Variants in CHST11 observed in about 807,000 individuals in gnomAD.
The protein encoded by CHST11 is carbohydrate sulfotransferase 11.
In CHST11, 9 loss-of-function variants were observed where a neutral mutation model predicts 30.4. The observed-to-expected ratio is 0.30, with a 90% CI of 0.18 to 0.52. The LOEUF (loss-of-function observed/expected upper bound fraction) is 0.52. CHST11 is among the 20% of genes least tolerant of loss of function. The probability of loss-of-function intolerance (pLI) is 0.97; values close to 1 mark genes in which losing one functional copy is unlikely to be tolerated. For synonymous variants in CHST11, 152 were observed against 187.8 expected (o/e 0.81, Z 1.56); for missense variants, 348 against 460.6 (o/e 0.76, Z 2.24).
chr12:104,666,940 G>T (rs2039647872), intron 2 of CHST11, among the ~76,000 whole-genome samples: 1 of 152,186 alleles, frequency 6.6e-6, no homozygotes, highest in Non-Finnish European at 1.5e-5. Flanking sequence ...GACTCTGTCT[G>T]CATCACACTC....
intron 2 of CHST11, among the ~76,000 whole-genome samples, chr12:104,756,456 A>G (rs1198696121): frequency 1.3e-5 from 2 of 151,882 alleles, no homozygotes; most frequent in African/African-American, 4.8e-5. Flanking sequence ...CTCCTAGACT[A>G]TGAGTGATTT....
chr12:104,680,779 C>T (rs1175237876), intron 2 of CHST11, among the ~76,000 whole-genome samples: 1 of 152,230 alleles, frequency 6.6e-6, no homozygotes, highest in Non-Finnish European at 1.5e-5. Context: ...CGGGTTCTCA[C>T]GTGCAAGCAA....
intron 2 of CHST11, among the ~76,000 whole-genome samples, chr12:104,629,837 A>T (rs1177163109): frequency 6.6e-6 from 1 of 152,180 alleles, no homozygotes; most frequent in African/African-American, 2.4e-5. Context: ...ATTTTTTTTA[A>T]AAATGCATTT....
At chr12:104,733,776 T>G (rs2040275367) in intron 2 of CHST11, among the ~76,000 whole-genome samples, 1 of 152,284 alleles carries the variant, frequency 6.6e-6, no homozygotes, top group South Asian at 2.1e-4. Flanking sequence ...CCAGGGAGAT[T>G]GGTTGGCTGC....
intron 2 of CHST11, among the ~76,000 whole-genome samples, chr12:104,685,673 A>C (rs779182366): frequency 2.0e-5 from 3 of 152,194 alleles, no homozygotes; most frequent in Non-Finnish European, 4.4e-5. Context: ...AATAGCACTT[A>C]ATAAATGCTA....
intron 1 of CHST11, among the ~76,000 whole-genome samples, chr12:104,488,535 G>A (rs1723952572): frequency 6.6e-6 from 1 of 151,586 alleles, no homozygotes; most frequent in Non-Finnish European, 1.5e-5. Context: ...GTGTGTATAT[G>A]TGTGTATGTG....
chr12:104,483,417 G>A (rs921410693), intron 1 of CHST11, among the ~76,000 whole-genome samples: 18 of 152,260 alleles, frequency 1.2e-4, no homozygotes, highest in African/African-American at 3.6e-4. Context: ...TGTTGGCCAA[G>A]CTGGTCTTGA....
intron 1 of CHST11, among the ~76,000 whole-genome samples, chr12:104,583,904 G>A (rs1164705076): frequency 1.3e-5 from 2 of 152,116 alleles, no homozygotes; most frequent in Admixed American, 1.3e-4. Context: ...GTAGAGATGG[G>A]GTTTCACCAT....
intron 1 of CHST11, chr12:104,553,580 A>AGAGAGAGAGAGAGG: frequency 6.8e-6 from 1 of 147,596 alleles, no homozygotes; most frequent in African/African-American, 2.5e-5. Context: ...AGAGAGAGAG[A>AGAGAGAGAGAGAGG]GAGAGAGAGA....
chr12:104,491,305 G>A (rs769539408), intron 1 of CHST11, among the ~76,000 whole-genome samples: 1 of 152,030 alleles, frequency 6.6e-6, no homozygotes, highest in African/African-American at 2.4e-5. Context: ...ACCGGGGGTG[G>A]GATGGACAGG....
At chr12:104,514,363 T>C in intron 1 of CHST11, 2 of 930,744 alleles carry the variant, frequency 2.1e-6, no homozygotes, top group South Asian at 1.3e-5. Context: ...TTCTATGCCA[T>C]TCTGGGCTTT....
At chr12:104,749,602 A>C (rs935361233) in intron 2 of CHST11, among the ~76,000 whole-genome samples, 1 of 152,220 alleles carries the variant, frequency 6.6e-6, no homozygotes, top group Non-Finnish European at 1.5e-5. Flanking sequence ...ATTCTCTTTT[A>C]CTATGAGGGA....
chr12:104,628,443 T>C (rs770435392), intron 2 of CHST11, among the ~76,000 whole-genome samples: 2 of 152,232 alleles, frequency 1.3e-5, no homozygotes, highest in Admixed American at 6.5e-5. Context: ...TCAAGACTTG[T>C]TGAGCTTGGA....
intron 2 of CHST11, among the ~76,000 whole-genome samples, chr12:104,716,560 CTG>C (rs1207466836): frequency 1.3e-5 from 2 of 152,242 alleles, no homozygotes; most frequent in African/African-American, 4.8e-5. Context: ...CCACTTTTGG[CTG>C]TGAGTGCCAT....
chr12:104,521,852 T>C (rs192216650), intron 1 of CHST11, among the ~76,000 whole-genome samples: 83 of 152,306 alleles, frequency 5.4e-4, no homozygotes, highest in African/African-American at 2.0e-3. Context: ...CCAGTGGGCA[T>C]TTTCTGCCTT....
intron 1 of CHST11, among the ~76,000 whole-genome samples, chr12:104,536,854 G>T (rs913570785): frequency 1.3e-5 from 2 of 152,136 alleles, no homozygotes; most frequent in African/African-American, 2.4e-5. Context: ...ATTCCTCCAG[G>T]CCGGCTTCTC....
Position 104,516,252 on chromosome 12 carries a change from T to C in CHST11, c.118+58723T>C, listed in dbSNP as rs112860777. Among the ~76,000 whole-genome samples, 891 of 152,222 alleles carry C rather than the reference T, an allele frequency of 5.9e-3. 11 individuals are homozygous for C. The highest frequency in any genetic ancestry group is 0.02 in the African/African-American group (839 of 41,528). On this transcript the variant is annotated intron_variant, in intron 1 of 2. Transcript: ENST00000303694. ...TGTCATATGTCCCCTAGGGGCAAAA[T>C]TGGGGCAAATGTTAGTTGAGAGAGC... is the stretch of plus-strand genomic sequence containing the variant.
rs1408686961 is a variant in CHST11 at position 104,757,212 on chromosome 12, C to T, written c.468C>T (p.His156=). ...DPMEIPANEA[H]VSANLKTLNQ... ...TGGAGATCCCGGCCAACGAGGCACA[C>T]GTCTCCGCCAACCTGAAGACCCTGA... The change falls in exon 3 of 3, where the codon CAC becomes CAT. Residue 156 remains histidine, a synonymous_variant. Transcript: ENST00000303694. The surrounding 1 kb of genome is among the most constrained non-coding windows in gnomAD (Gnocchi z 6.5). 6.8e-6 allele frequency: 11 copies of T among 1,613,974 alleles called. No homozygotes were observed. In the East Asian group the frequency reaches 1.1e-4, roughly 16 times the overall value.
At chr12:104,498,145 C>T (rs977515083) in intron 1 of CHST11, among the ~76,000 whole-genome samples, 2 of 151,960 alleles carry the variant, frequency 1.3e-5, no homozygotes, top group African/African-American at 4.8e-5. Context: ...GTTTTGAACT[C>T]CTGACCTCAA....
Sources: gnomAD v4.1 joint callset for allele counts (sites outside exome capture counted in the v4.1 genomes callset) on GRCh38, gnomAD v4.1.1 for gene constraint, Gnocchi (gnomAD v3.1) non-coding constraint, MANE v1.5 for transcripts, NCBI Gene and HGNC (gene_info 2026-07-23, HGNC 2026-07-21) for gene names.